Variants in GABRG2 observed in about 807,000 individuals in gnomAD.
GABRG2 encodes gamma-aminobutyric acid receptor subunit gamma-2.
Under a neutral mutation model 56.4 loss-of-function variants are expected in GABRG2, and 16 were observed. The ratio of observed to expected loss-of-function variants is 0.28; its 90% CI spans 0.19 to 0.43. The LOEUF (loss-of-function observed/expected upper bound fraction) is 0.43, where lower values mean the gene tolerates loss of function less well. Ranked by LOEUF, GABRG2 falls within the 20% of genes least tolerant of loss-of-function variation. The pLI, the probability that GABRG2 is intolerant of heterozygous loss-of-function variation, is 1.00. For missense variants in GABRG2, 327 were observed against 582.7 expected (o/e 0.56, Z 4.52); for synonymous variants, 208 against 205.5 (o/e 1.01, Z -0.10).
At chr5:162,148,879 T>C (rs1765151895) in intron 7 of GABRG2, among the ~76,000 whole-genome samples, 1 of 152,214 alleles carries the variant, frequency 6.6e-6, no homozygotes, top group African/African-American at 2.4e-5. Context: ...AAATATAAGG[T>C]ACACAAAGGC....
At chr5:162,143,298 C>T (rs112825004) in intron 7 of GABRG2, among the ~76,000 whole-genome samples, 1 of 152,214 alleles carries the variant, frequency 6.6e-6, no homozygotes, top group Admixed American at 6.5e-5. Context: ...GTAATCGGCT[C>T]TTTACAGAAC....
At chr5:162,105,837 A>G (rs1433399583) in intron 6 of GABRG2, among the ~76,000 whole-genome samples, 2 of 151,666 alleles carry the variant, frequency 1.3e-5, no homozygotes, top group Admixed American at 1.3e-4. Flanking sequence ...ACACACACAC[A>G]CACACACCAC....
chr5:162,127,665 T>G (rs531311371), intron 6 of GABRG2, among the ~76,000 whole-genome samples: 3 of 151,974 alleles, frequency 2.0e-5, no homozygotes, highest in Admixed American at 6.6e-5. Context: ...TGTTGTCTCC[T>G]GAATTCACCG....
At chr5:162,095,651 C>CA (rs1760945397) in intron 3 of GABRG2, 89 bp downstream of exon 3, 2 of 915,832 alleles carry the variant, frequency 2.2e-6, no homozygotes, top group African/African-American at 1.6e-5. Flanking sequence ...GACATGCCAG[C>CA]AAAAAATTTA....
At chr5:162,068,467 T>G (rs1179120902) in intron 1 of GABRG2, among the ~76,000 whole-genome samples, 1 of 132,322 alleles carries the variant, frequency 7.6e-6, no homozygotes, top group Non-Finnish European at 1.6e-5. Context: ...GCATTTTGGG[T>G]GGGGGTCTGA....
chr5:162,137,493 T>C (rs1291107990), intron 6 of GABRG2, among the ~76,000 whole-genome samples: 1 of 152,208 alleles, frequency 6.6e-6, no homozygotes, highest in Admixed American at 6.5e-5. Flanking sequence ...TGATCCCTTC[T>C]GAAGTTGAGT....
At chr5:162,079,602 A>G (rs965606625) in intron 1 of GABRG2, among the ~76,000 whole-genome samples, 2 of 151,884 alleles carry the variant, frequency 1.3e-5, no homozygotes, top group Non-Finnish European at 2.9e-5. Flanking sequence ...ATATTCTAGG[A>G]GAAGGGCATA....
intron 5 of GABRG2, chr5:162,102,635 A>G (rs1242417549): frequency 4.4e-6 from 2 of 452,794 alleles, no homozygotes; most frequent in Admixed American, 4.7e-5. Context: ...GGCTCAACTG[A>G]TCCTCCCACC....
chr5:162,153,387 G>C lies in GABRG2; in HGVS notation c.*19G>C. 1 of 1,613,252 alleles carries C rather than the reference G, an allele frequency of 6.2e-7. No individual in the cohort carries two copies. Among genetic ancestry groups the C allele is most frequent in the East Asian group, 2.2e-5 (1 of 44,846 alleles). ...CCTGTGAGGAGGTATGGGTTTTACT[G>C]ATATGGTTCTTATTCACTGAGTCTC... On this transcript the variant is annotated 3_prime_UTR_variant, in exon 10 of 10. Coordinates refer to ENST00000639213, the MANE Select transcript of GABRG2 (RefSeq NM_198904.4).
At chr5:162,119,606 T>C (rs1762850890) in intron 6 of GABRG2, among the ~76,000 whole-genome samples, 4 of 152,100 alleles carry the variant, frequency 2.6e-5, no homozygotes, top group Admixed American at 2.0e-4. Context: ...CACAGTCCAA[T>C]GAAATGACAA....
At chr5:162,068,744 T>G (rs1447632659) in intron 1 of GABRG2, among the ~76,000 whole-genome samples, 1 of 151,912 alleles carries the variant, frequency 6.6e-6, no homozygotes, top group African/African-American at 2.4e-5. Context: ...TGATAGAACG[T>G]CTCTAAATAT....
chr5:162,089,828 T>C (rs1561640337), intron 1 of GABRG2, among the ~76,000 whole-genome samples: 1 of 152,082 alleles, frequency 6.6e-6, no homozygotes, highest in Non-Finnish European at 1.5e-5. Flanking sequence ...ATGACTAGAT[T>C]TTCCTCCTCT....
intron 6 of GABRG2, among the ~76,000 whole-genome samples, chr5:162,139,423 GA>G (rs1764383676): frequency 6.6e-6 from 1 of 152,202 alleles, no homozygotes; most frequent in African/African-American, 2.4e-5. Context: ...CTGTCACTGT[GA>G]AGCTGCTTTG....
intron 6 of GABRG2, among the ~76,000 whole-genome samples, chr5:162,138,870 G>C (rs116018994): frequency 6.6e-6 from 1 of 152,026 alleles, no homozygotes; most frequent in Non-Finnish European, 1.5e-5. Context: ...TATTTCAGGG[G>C]TTCAATAGAG....
At chr5:162,069,577 T>A (rs557928519) in intron 1 of GABRG2, among the ~76,000 whole-genome samples, 1 of 152,256 alleles carries the variant, frequency 6.6e-6, no homozygotes, top group South Asian at 2.1e-4. Flanking sequence ...AGTGAAAGCC[T>A]CACTTTGGAG....
intron 2 of GABRG2, 135 bp downstream of exon 2, chr5:162,094,114 T>A: frequency 1.0e-6 from 1 of 957,244 alleles, no homozygotes; most frequent in Non-Finnish European, 1.6e-6. Flanking sequence ...AAAAGTAGTG[T>A]TTAAATAGCA....
chr5:162,123,987 G>C (rs533343887), intron 6 of GABRG2, among the ~76,000 whole-genome samples: 1 of 152,054 alleles, frequency 6.6e-6, no homozygotes, highest in South Asian at 2.1e-4. Context: ...GCAAAATGCA[G>C]CAATGAATGA....
chr5:162,093,971 A>G lies in GABRG2; in HGVS notation c.251A>G (p.Asp84Gly). 1 of 1,613,218 alleles carries G rather than the reference A, an allele frequency of 6.2e-7. No homozygotes were observed. Among genetic ancestry groups the G allele is most frequent in the Non-Finnish European group, 8.5e-7 (1 of 1,179,420 alleles). The change falls in exon 2 of 10, where the codon GAT becomes GGT. Residue 84 changes from aspartate (D) to glycine (G), a missense_variant. Asp to Gly is a moderately conservative substitution (Grantham distance 94). Transcript: ENST00000639213. The part of the protein sequence containing the change: ...LEGYDNKLRP[D>G]IGVKPTLIHT... ...GGATATGACAATAAACTTCGGCCTG[A>G]TATAGGAGGTTTGTTAAAGTCTTTT... is the stretch of plus-strand genomic sequence containing the variant.
chr5:162,138,096 C>G (rs1019309218), intron 6 of GABRG2, among the ~76,000 whole-genome samples: 1 of 152,102 alleles, frequency 6.6e-6, no homozygotes, highest in African/African-American at 2.4e-5. Context: ...ACATTTTACA[C>G]AGTCGACCCC....
Sources: gnomAD v4.1 joint callset for allele counts (sites outside exome capture counted in the v4.1 genomes callset) on GRCh38, gnomAD v4.1.1 for gene constraint, MANE v1.5 for transcripts, NCBI Gene and HGNC (gene_info 2026-07-23, HGNC 2026-07-21) for gene names.